Variants in TNRC6C observed in about 807,000 individuals in gnomAD.
TNRC6C encodes the protein trinucleotide repeat containing adaptor 6C, also known as trinucleotide repeat-containing gene 6C protein.
A neutral mutation model predicts 153.7 loss-of-function variants in TNRC6C; 20 were observed. The ratio of observed to expected loss-of-function variants is 0.13; its 90% CI spans 0.09 to 0.19. The LOEUF is 0.19. Ranked by LOEUF, TNRC6C falls within the 10% of genes least tolerant of loss-of-function variation. The pLI, the probability that TNRC6C is intolerant of heterozygous loss-of-function variation, is 1.00. For synonymous variants in TNRC6C, 811 were observed against 841.4 expected (o/e 0.96, Z 0.63); for missense variants, 1,987 against 2,172.0 (o/e 0.91, Z 1.69).
intron 3 of TNRC6C, among the ~76,000 whole-genome samples, chr17:78,059,846 CAAAA>C (rs762507955): frequency 7.7e-5 from 6 of 77,706 alleles, no homozygotes; most frequent in African/African-American, 4.4e-5. Context: ...GACCCTGTCT[CAAAA>C]AAAAAAAAAA....
At chr17:78,101,941 T>C in intron 17 of TNRC6C, among the ~76,000 whole-genome samples, 1 of 151,942 alleles carries the variant, frequency 6.6e-6, no homozygotes, top group Non-Finnish European at 1.5e-5. Context: ...TTGGGGCCAG[T>C]TTAATGGCCA....
chr17:78,077,561 T>C (rs887326263), intron 9 of TNRC6C: 4 of 605,466 alleles, frequency 6.6e-6, no homozygotes, highest in Non-Finnish European at 1.1e-5. Flanking sequence ...AACTAAAACG[T>C]GTTTGAGCTC....
chr17:78,019,430 ATC>A (rs2071791447), intron 1 of TNRC6C, among the ~76,000 whole-genome samples: 1 of 152,182 alleles, frequency 6.6e-6, no homozygotes, highest in Non-Finnish European at 1.5e-5. Context: ...AAATGTGGGA[ATC>A]TCTCTATTTG....
chr17:78,059,957 T>C (rs574953169), intron 3 of TNRC6C, among the ~76,000 whole-genome samples: 1 of 152,028 alleles, frequency 6.6e-6, no homozygotes, highest in African/African-American at 2.4e-5. Context: ...ATCAAAACTG[T>C]ATAAGATGGT....
intron 1 of TNRC6C, among the ~76,000 whole-genome samples, chr17:77,991,531 G>T (rs1442276885): frequency 2.0e-5 from 3 of 152,112 alleles, no homozygotes; most frequent in Non-Finnish European, 4.4e-5. Context: ...TCCAGGGCAT[G>T]AACCAAAAAG....
chr17:78,084,177 G>A (rs1171967779), intron 11 of TNRC6C, among the ~76,000 whole-genome samples: 6 of 152,062 alleles, frequency 3.9e-5, no homozygotes, highest in African/African-American at 1.4e-4. Flanking sequence ...CCAGCTATTC[G>A]GGAGGCTGAG....
In TNRC6C at chr17:78,098,907, C is replaced by T. The variant is rs146021777; in HGVS notation, c.4501+370C>T. Among the ~76,000 whole-genome samples, 64 of 152,248 alleles carry T rather than the reference C, an allele frequency of 4.2e-4. 2 individuals are homozygous for T. The highest frequency in any genetic ancestry group is 3.6e-3 in the Admixed American group (55 of 15,284). On this transcript the variant is annotated intron_variant, in intron 17 of 19. Transcript: ENST00000301624. ...GCTCTCTGCCCCCATGACTCCCCTT[C>T]GCACAGGGATCTGGATTTCTGCTTT...
At chr17:78,067,607 T>G in intron 4 of TNRC6C, 150 bp from the exon 7 acceptor site, 1 of 812,144 alleles carries the variant, frequency 1.2e-6, no homozygotes, top group Non-Finnish European at 1.8e-6. Context: ...CAAGAGAAAT[T>G]CAATTCTGAG....
At chr17:78,008,091 A>G (rs904492303) in intron 1 of TNRC6C, among the ~76,000 whole-genome samples, 1 of 152,232 alleles carries the variant, frequency 6.6e-6, no homozygotes, top group East Asian at 1.9e-4. Flanking sequence ...CCATTATAGC[A>G]TTAATTATAC....
At chr17:77,984,910 A>G (rs931748297) in intron 1 of TNRC6C, among the ~76,000 whole-genome samples, 2 of 152,190 alleles carry the variant, frequency 1.3e-5, no homozygotes, top group African/African-American at 2.4e-5. Flanking sequence ...TCTGGACCCC[A>G]TAAGGAACTA....
At chr17:77,971,183 C>T (rs1226076917) in intron 1 of TNRC6C, among the ~76,000 whole-genome samples, 1 of 152,186 alleles carries the variant, frequency 6.6e-6, no homozygotes, top group Non-Finnish European at 1.5e-5. Flanking sequence ...CTAAATTAAT[C>T]TATTAGTGGT....
chr17:78,084,821 G>T (rs1020804844), intron 11 of TNRC6C, among the ~76,000 whole-genome samples: 3 of 151,944 alleles, frequency 2.0e-5, no homozygotes, highest in Admixed American at 6.6e-5. Context: ...TAGAGACAGG[G>T]TTTCACCATG....
In TNRC6C at chr17:78,075,552, A is replaced by G. The variant is rs977904636; in HGVS notation, c.3060+274A>G. On this transcript the variant is annotated intron_variant, in intron 8 of 19. Transcript: ENST00000301624. This position sits in a 1 kb window ranked among gnomAD's most constrained non-coding sequence, Gnocchi z 4.2. ...CTGGTTATCTGCTTCAATTTGTCCA[A>G]TGGGCAAGGGTCATCAAATTTCCAT... 6.6e-6 allele frequency among the ~76,000 whole-genome samples: 1 copy of G among 152,354 alleles called. No individual in the cohort carries two copies. The highest frequency in any genetic ancestry group is 2.1e-4 in the South Asian group (1 of 4,828).
At chr17:77,972,682 T>C (rs778221752) in intron 1 of TNRC6C, among the ~76,000 whole-genome samples, 5 of 152,178 alleles carry the variant, frequency 3.3e-5, no homozygotes, top group Non-Finnish European at 5.9e-5. Flanking sequence ...AAAATTTGAA[T>C]GGACATATAG....
chr17:78,083,395 A>G (rs745484905), intron 11 of TNRC6C, among the ~76,000 whole-genome samples: 1 of 152,192 alleles, frequency 6.6e-6, no homozygotes, highest in Non-Finnish European at 1.5e-5. Context: ...TAGAGGCAGC[A>G]TCTTACTATG....
chr17:77,974,833 C>A (rs1328446182), intron 1 of TNRC6C, among the ~76,000 whole-genome samples: 1 of 152,156 alleles, frequency 6.6e-6, no homozygotes, highest in Non-Finnish European at 1.5e-5. Flanking sequence ...GAGGAGAAAA[C>A]AGAGACCTAA....
At chr17:78,069,672 CAAGTT>C (rs2072953247) in intron 5 of TNRC6C, among the ~76,000 whole-genome samples, 1 of 152,070 alleles carries the variant, frequency 6.6e-6, no homozygotes, top group African/African-American at 2.4e-5. Context: ...GATGGAGTAA[CAAGTT>C]AATTATGTCA....
At chr17:78,017,282 T>C (rs893015275) in intron 1 of TNRC6C, among the ~76,000 whole-genome samples, 1 of 152,064 alleles carries the variant, frequency 6.6e-6, no homozygotes, top group African/African-American at 2.4e-5. Context: ...ACTTGGGTGA[T>C]TGAATAAGAT....
chr17:78,106,299 T>C (rs981510678), exon 20 of TNRC6C: 6 of 150,692 alleles, frequency 4.0e-5, no homozygotes, highest in African/African-American at 1.5e-4. Flanking sequence ...ATTTTCAGAA[T>C]GCAGATGCGT....
Sources: allele counts gnomAD v4.1 joint callset (sites outside exome capture counted in the v4.1 genomes callset), GRCh38; gene constraint gnomAD v4.1.1; non-coding constraint Gnocchi (gnomAD v3.1); transcripts MANE v1.5; gene names NCBI Gene and HGNC (gene_info 2026-07-23, HGNC 2026-07-21).